The following TBC1D19 variants were observed in gnomAD, a reference collection of about 807,000 sequenced individuals.
TBC1D19 encodes the protein TBC1 domain family, member 19.
TBC1D19 carries 60 observed loss-of-function variants against 89.0 expected under a neutral mutation model. The ratio of observed to expected loss-of-function variants is 0.67; its 90% CI spans 0.55 to 0.84. TBC1D19 has a LOEUF of 0.84. Ranked by LOEUF, TBC1D19 falls within the 40% of genes least tolerant of loss-of-function variation. The probability of loss-of-function intolerance (pLI) is 0.00; values close to 1 mark genes in which losing one functional copy is unlikely to be tolerated. For synonymous variants in TBC1D19, 189 were observed against 199.7 expected (o/e 0.95, Z 0.45); for missense variants, 500 against 610.8 (o/e 0.82, Z 1.91).
intron 13 of TBC1D19, among the ~76,000 whole-genome samples, chr4:26,716,691 TTATATG>T (rs1716635973): frequency 6.6e-6 from 1 of 152,088 alleles, no homozygotes; most frequent in South Asian, 2.1e-4. Flanking sequence ...TTTGAAAAAA[TTATATG>T]TATGAGTATG....
chr4:26,753,955 T>A lies in TBC1D19; in HGVS notation c.1506+65T>A, dbSNP rs780217111. 5 of 1,578,324 alleles carry A rather than the reference T, an allele frequency of 3.2e-6. No homozygotes were observed. In the East Asian group the frequency reaches 1.1e-4, roughly 35 times the overall value. On this transcript the variant is annotated intron_variant, in intron 20 of 20. Transcript: ENST00000264866. ...CTGAGAGATTGCCAGGCTGTCATTT[T>A]AGTGTCTGTTGCATAGGACACGCGT...
chr4:26,604,334 A>G (rs1740836803), intron 1 of TBC1D19, among the ~76,000 whole-genome samples: 1 of 150,502 alleles, frequency 6.6e-6, no homozygotes, highest in Admixed American at 6.6e-5. Flanking sequence ...TTGAATTTTT[A>G]GTAGAGATGG....
intron 9 of TBC1D19, among the ~76,000 whole-genome samples, chr4:26,667,512 T>C (rs775097152): frequency 6.6e-6 from 1 of 152,096 alleles, no homozygotes. Flanking sequence ...CATTTGGCCA[T>C]GTTGTTATAT....
At chr4:26,679,857 G>A (rs1560467353) in intron 11 of TBC1D19, among the ~76,000 whole-genome samples, 1 of 152,194 alleles carries the variant, frequency 6.6e-6, no homozygotes, top group African/African-American at 2.4e-5. Context: ...GTTTTTAATT[G>A]TGAGGACACG....
chr4:26,809,713 C>T, the TBC1D19 span, among the ~76,000 whole-genome samples: 2 of 152,142 alleles, frequency 1.3e-5, no homozygotes, highest in Non-Finnish European at 2.9e-5. Flanking sequence ...AGTTATCACA[C>T]CTGAGCGGTG....
At chr4:26,635,240 A>G (rs1743051459) in intron 4 of TBC1D19, among the ~76,000 whole-genome samples, 1 of 152,142 alleles carries the variant, frequency 6.6e-6, no homozygotes, top group Non-Finnish European at 1.5e-5. Context: ...GGCAGCAGGT[A>G]ACAGAAGGCT....
chr4:26,842,677 T>A, the TBC1D19 span, among the ~76,000 whole-genome samples: 2 of 131,452 alleles, frequency 1.5e-5, no homozygotes, highest in Non-Finnish European at 1.6e-5. Flanking sequence ...TTTCTCTTAT[T>A]TTTTTGTAAA....
chr4:26,823,155 A>G, the TBC1D19 span, among the ~76,000 whole-genome samples: 2 of 152,218 alleles, frequency 1.3e-5, no homozygotes. Flanking sequence ...TCTTACATGG[A>G]TGGCAACAGG....
intron 5 of TBC1D19, 41 bp from the exon 6 acceptor site, chr4:26,638,729 CA>C (rs1743297416): frequency 6.6e-7 from 1 of 1,522,574 alleles, no homozygotes; most frequent in East Asian, 2.3e-5. Flanking sequence ...TGCTAGACTT[CA>C]AAAAATGAAA....
chr4:26,792,268 AAAG>A, the TBC1D19 span, among the ~76,000 whole-genome samples: 1 of 152,206 alleles, frequency 6.6e-6, no homozygotes, highest in Non-Finnish European at 1.5e-5. Context: ...TTATTAAAAA[AAAG>A]AAGAGGTTTA....
At chr4:26,717,070 A>G (rs900442750) in intron 13 of TBC1D19, among the ~76,000 whole-genome samples, 3 of 152,044 alleles carry the variant, frequency 2.0e-5, no homozygotes, top group Admixed American at 6.6e-5. Context: ...CTGATTCCCA[A>G]TCTCCATTAC....
chr4:26,627,607 T>C lies in TBC1D19; in HGVS notation c.294+6919T>C, dbSNP rs1336736957. ...CTAACTGGTGTGAGATGGTATCTCA[T>C]TGTGGTTTTGATTTGCATTTCTCTG... On this transcript the variant is annotated intron_variant, in intron 4 of 20. Coordinates refer to ENST00000264866, the MANE Select transcript of TBC1D19 (RefSeq NM_018317.4). Among the ~76,000 whole-genome samples the C allele has an allele frequency of 2.6e-3, 389 of 151,086 alleles. 4 individuals carry two copies. Among genetic ancestry groups the C allele is most frequent in the African/African-American group, 9.2e-3 (377 of 41,106 alleles).
At chr4:26,741,767 A>T (rs1718391299) in intron 17 of TBC1D19, among the ~76,000 whole-genome samples, 1 of 152,132 alleles carries the variant, frequency 6.6e-6, no homozygotes, top group Non-Finnish European at 1.5e-5. Flanking sequence ...AAACTTCCTT[A>T]CAAAGATAAA....
At chr4:26,643,476 A>G (rs1371445366) in intron 7 of TBC1D19, among the ~76,000 whole-genome samples, 1 of 152,234 alleles carries the variant, frequency 6.6e-6, no homozygotes, top group African/African-American at 2.4e-5. Context: ...AGAAAGCAGG[A>G]AAGATCTAAA....
At chr4:26,682,786 T>C (rs1238463470) in intron 11 of TBC1D19, among the ~76,000 whole-genome samples, 2 of 152,178 alleles carry the variant, frequency 1.3e-5, no homozygotes, top group Non-Finnish European at 2.9e-5. Flanking sequence ...ACTTGATTAC[T>C]GTCTCTAGTC....
At chr4:26,632,279 C>G (rs1742848605) in intron 4 of TBC1D19, among the ~76,000 whole-genome samples, 1 of 151,764 alleles carries the variant, frequency 6.6e-6, no homozygotes, top group South Asian at 2.1e-4. Flanking sequence ...ACTTTTGACT[C>G]CCCCAAAACT....
chr4:26,608,824 G>A (rs193067055), intron 1 of TBC1D19, among the ~76,000 whole-genome samples: 2 of 151,416 alleles, frequency 1.3e-5, no homozygotes, highest in African/African-American at 2.4e-5. Context: ...CCTTGTTTTG[G>A]GGGGGAGGAA....
At chr4:26,678,900 G>A (rs1186403570) in intron 11 of TBC1D19, among the ~76,000 whole-genome samples, 1 of 152,000 alleles carries the variant, frequency 6.6e-6, no homozygotes, top group African/African-American at 2.4e-5. Flanking sequence ...TAGTGATTTG[G>A]GGACCCCAAG....
At chr4:26,827,104 T>C in the TBC1D19 span, among the ~76,000 whole-genome samples, 1 of 152,376 alleles carries the variant, frequency 6.6e-6, no homozygotes, top group East Asian at 1.9e-4. Flanking sequence ...GGCCTTGCCA[T>C]GATACTTCTG....
Sources: gnomAD v4.1 joint callset for allele counts (sites outside exome capture counted in the v4.1 genomes callset) on GRCh38, gnomAD v4.1.1 for gene constraint, MANE v1.5 for transcripts, NCBI Gene and HGNC (gene_info 2026-07-23, HGNC 2026-07-21) for gene names.